TMEM135: variants seen among roughly 807,000 people sequenced by gnomAD.
TMEM135 encodes the protein transmembrane protein 135.
TMEM135 carries 30 observed loss-of-function variants against 60.3 expected under a neutral mutation model. The observed-to-expected ratio is 0.50, with a 90% CI of 0.37 to 0.68. TMEM135 has a LOEUF of 0.68. Ranked by LOEUF, TMEM135 falls within the 30% of genes least tolerant of loss-of-function variation. The pLI, the probability that TMEM135 is intolerant of heterozygous loss-of-function variation, is 0.00. For synonymous variants in TMEM135, 190 were observed against 186.7 expected (o/e 1.02, Z -0.14); for missense variants, 468 against 548.8 (o/e 0.85, Z 1.47).
chr11:87,104,976 TG>T (rs1239708239), intron 4 of TMEM135, among the ~76,000 whole-genome samples: 2 of 152,112 alleles, frequency 1.3e-5, no homozygotes, highest in African/African-American at 4.8e-5. Flanking sequence ...ATGGTGAGAG[TG>T]GGCATCCTTG....
chr11:87,158,705 C>A (rs1296852471), intron 5 of TMEM135, among the ~76,000 whole-genome samples: 1 of 152,104 alleles, frequency 6.6e-6, no homozygotes, highest in African/African-American at 2.4e-5. Context: ...ACCTCGTACT[C>A]CGCCCGTCTT....
chr11:87,262,655 A>G (rs544760303), intron 6 of TMEM135, among the ~76,000 whole-genome samples: 7 of 152,210 alleles, frequency 4.6e-5, no homozygotes, highest in Non-Finnish European at 1.0e-4. Context: ...TGAGTGGCAT[A>G]TAACAGCAAG....
At chr11:87,272,292 G>C (rs1406177286) in intron 6 of TMEM135, among the ~76,000 whole-genome samples, 1 of 151,674 alleles carries the variant, frequency 6.6e-6, no homozygotes, top group African/African-American at 2.4e-5. Context: ...CTGACCTCAG[G>C]CAATCCTCCC....
intron 4 of TMEM135, among the ~76,000 whole-genome samples, chr11:87,121,876 G>A (rs1310194962): frequency 6.6e-6 from 1 of 152,094 alleles, no homozygotes; most frequent in Non-Finnish European, 1.5e-5. Flanking sequence ...CTGACCTCAG[G>A]TGATGCGCTC....
chr11:87,054,759 C>G (rs11234931), intron 1 of TMEM135, among the ~76,000 whole-genome samples: 3 of 151,806 alleles, frequency 2.0e-5, no homozygotes, highest in Admixed American at 6.6e-5. Flanking sequence ...TGATTAGATT[C>G]GATTTTTAAA....
intron 6 of TMEM135, among the ~76,000 whole-genome samples, chr11:87,294,817 C>A (rs916792593): frequency 6.6e-6 from 1 of 152,162 alleles, no homozygotes; most frequent in African/African-American, 2.4e-5. Context: ...TGAATAACAG[C>A]AGCAGAATGT....
In TMEM135 at chr11:87,322,099, A is replaced by G. The variant is rs1006946581; in HGVS notation, c.*766A>G. On this transcript the variant is annotated 3_prime_UTR_variant, in exon 15 of 15. Transcript: ENST00000305494. Reference sequence around the variant, plus strand: ...AAATGTATGTTTTAATCTTTCACAGAAGTATTACACTTGAATATTTAAAAA... The same window carrying G: ...AAATGTATGTTTTAATCTTTCACAGGAGTATTACACTTGAATATTTAAAAA... The G allele has an allele frequency of 1.3e-5, 6 of 454,104 alleles. No homozygotes were observed. The East Asian group carries it at 4.2e-4, about 32-fold the overall frequency. The allele number at this position is 454,104 out of a possible 1,614,324, so 28.1% of individuals were successfully genotyped here.
chr11:87,138,068 T>A (rs1938153134), intron 4 of TMEM135, among the ~76,000 whole-genome samples: 1 of 149,222 alleles, frequency 6.7e-6, no homozygotes, highest in Non-Finnish European at 1.5e-5. Flanking sequence ...TTATGATGTT[T>A]AAAAAGACCA....
At chr11:87,058,843 A>G (rs1244747666) in intron 1 of TMEM135, among the ~76,000 whole-genome samples, 1 of 151,586 alleles carries the variant, frequency 6.6e-6, no homozygotes, top group Non-Finnish European at 1.5e-5. Context: ...GATGGTCTCC[A>G]TCTCCTGACC....
chr11:87,130,342 G>A (rs1303694086), intron 4 of TMEM135, among the ~76,000 whole-genome samples: 2 of 152,070 alleles, frequency 1.3e-5, no homozygotes, highest in African/African-American at 4.8e-5. Context: ...GGATAGTGAA[G>A]GACATAAAAT....
At chr11:87,067,378 A>T (rs1856686873) in intron 1 of TMEM135, among the ~76,000 whole-genome samples, 5 of 151,610 alleles carry the variant, frequency 3.3e-5, no homozygotes, top group South Asian at 2.1e-4. Flanking sequence ...TTGAAATGGA[A>T]TTTTTTTCAT....
At chr11:87,147,382 A>G (rs1391827173) in intron 4 of TMEM135, among the ~76,000 whole-genome samples, 1 of 152,214 alleles carries the variant, frequency 6.6e-6, no homozygotes, top group Non-Finnish European at 1.5e-5. Context: ...CTTCTTTTTT[A>G]AGAGAAGGAG....
At chr11:87,075,789 A>G (rs1463145262) in intron 3 of TMEM135, among the ~76,000 whole-genome samples, 1 of 152,198 alleles carries the variant, frequency 6.6e-6, no homozygotes, top group Non-Finnish European at 1.5e-5. Flanking sequence ...GTGTAGAGGT[A>G]CGTACTGCCT....
In TMEM135 at chr11:87,309,475, A is replaced by G. The variant is rs1188650593; in HGVS notation, c.769-30A>G. The G allele has an allele frequency of 1.9e-6, 3 of 1,612,672 alleles. No homozygotes were observed. In the African/African-American group the frequency reaches 4.0e-5, roughly 22 times the overall value. ...ATCAAAAACTTCAAAATTTGTTTGTAAATCAGGTTTTTCTCCAAATTTCCT... is the reference window on the plus strand; with the variant it reads ...ATCAAAAACTTCAAAATTTGTTTGTGAATCAGGTTTTTCTCCAAATTTCCT... On this transcript the variant is annotated intron_variant, in intron 9 of 14. Transcript: ENST00000305494.
At chr11:87,310,715 T>C (rs2135448656) in intron 10 of TMEM135, among the ~76,000 whole-genome samples, 1 of 151,382 alleles carries the variant, frequency 6.6e-6, no homozygotes, top group East Asian at 1.9e-4. Context: ...CTGCTAGCCA[T>C]GGAGAGAGAA....
rs1942837493 is a variant in TMEM135 at position 87,322,376 on chromosome 11, G to T, written c.*1043G>T. 1 of 453,746 alleles carries T rather than the reference G, an allele frequency of 2.2e-6. No individual in the cohort carries two copies. The highest frequency in any genetic ancestry group is 2.0e-5 in the African/African-American group (1 of 49,922). The allele number at this position is 453,746 out of a possible 1,614,324, so 28.1% of individuals were successfully genotyped here. On this transcript the variant is annotated 3_prime_UTR_variant, in exon 15 of 15. Coordinates refer to ENST00000305494, the MANE Select transcript of TMEM135 (RefSeq NM_022918.4). ...GTCCATTTGTCACTAATTCCATTCA[G>T]GTTCTCCAACCTTCTTCTTGAATAT...
At position 87,205,462 on chromosome 11, in the gene TMEM135, C is replaced by G. The variant is rs768036815; in HGVS notation, c.463-31176C>G. Among the ~76,000 whole-genome samples the G allele has an allele frequency of 4.3e-4, 65 of 152,172 alleles. No homozygotes were observed. In the Middle Eastern group the frequency reaches 0.014, roughly 32 times the overall value. On this transcript the variant is annotated intron_variant, in intron 5 of 14. Coordinates refer to ENST00000305494, the MANE Select transcript of TMEM135 (RefSeq NM_022918.4). ...CCCGCTAGAAGTTGCTTGTAGTAATCCAGATATTGATGGATAATGTATATA... is the reference window on the plus strand; with the variant it reads ...CCCGCTAGAAGTTGCTTGTAGTAATGCAGATATTGATGGATAATGTATATA...
chr11:87,082,680 A>G (rs1857015631), intron 3 of TMEM135, among the ~76,000 whole-genome samples: 3 of 152,204 alleles, frequency 2.0e-5, no homozygotes, highest in Admixed American at 1.3e-4. Flanking sequence ...GAGGAGGTCT[A>G]AGATTGAACG....
intron 6 of TMEM135, among the ~76,000 whole-genome samples, 190 bp from the exon 7 acceptor site, chr11:87,295,592 G>A (rs1052495940): frequency 1.3e-5 from 2 of 152,076 alleles, no homozygotes; most frequent in East Asian, 1.9e-4. Context: ...ACATAGGAAG[G>A]CATTATCATA....
Sources: allele counts gnomAD v4.1 joint callset (sites outside exome capture counted in the v4.1 genomes callset), GRCh38; gene constraint gnomAD v4.1.1; transcripts MANE v1.5; gene names NCBI Gene and HGNC (gene_info 2026-07-23, HGNC 2026-07-21).